TNPO3: variants seen among roughly 807,000 people sequenced by gnomAD.
TNPO3 encodes transportin-3.
TNPO3 carries 65 observed loss-of-function variants against 122.8 expected under a neutral mutation model. The observed-to-expected ratio is 0.53, with a 90% CI of 0.43 to 0.65. The LOEUF (loss-of-function observed/expected upper bound fraction) is 0.65. Ranked by LOEUF, TNPO3 falls within the 30% of genes least tolerant of loss-of-function variation. TNPO3 has a pLI of 0.00. For synonymous variants in TNPO3, 372 were observed against 411.2 expected, an observed-to-expected ratio of 0.90 and a Z score of 1.15; for missense variants, 850 against 1,136.7, an observed-to-expected ratio of 0.75 and a Z score of 3.63.
intron 7 of TNPO3, among the ~76,000 whole-genome samples, chr7:128,998,230 C>T (rs1331646067): frequency 6.6e-6 from 1 of 152,062 alleles, no homozygotes; most frequent in Non-Finnish European, 1.5e-5. Context: ...GTAGGTGGCA[C>T]ATGCCTGTAT....
intron 15 of TNPO3, 82 bp from the exon 16 acceptor site, chr7:128,979,205 T>C (rs1799387787): frequency 1.3e-6 from 2 of 1,536,756 alleles, no homozygotes; most frequent in South Asian, 1.2e-5. Context: ...TAACACCTCA[T>C]TTAGCTTTTA....
intron 13 of TNPO3, among the ~76,000 whole-genome samples, chr7:128,983,676 T>TAA (rs1799865733): frequency 6.6e-6 from 1 of 152,230 alleles, no homozygotes; most frequent in Admixed American, 6.5e-5. Context: ...TTTGTTCCTT[T>TAA]AACCAACTGC....
At chr7:128,965,305 A>G (rs1797830485) in intron 21 of TNPO3, among the ~76,000 whole-genome samples, 1 of 152,252 alleles carries the variant, frequency 6.6e-6, no homozygotes, top group African/African-American at 2.4e-5. Flanking sequence ...AAGACAAAAC[A>G]AATGGCCAAT....
chr7:129,041,796 T>C, intron 1 of TNPO3: 1 of 926,402 alleles, frequency 1.1e-6, no homozygotes, highest in Non-Finnish European at 1.3e-6. Flanking sequence ...AACAGGCCTT[T>C]ATATCAGTCT....
chr7:128,978,036 C>G (rs1356805878), intron 16 of TNPO3, among the ~76,000 whole-genome samples: 1 of 151,672 alleles, frequency 6.6e-6, no homozygotes, highest in African/African-American at 2.4e-5. Context: ...TTCCTCACAG[C>G]ATGGGTACAA....
chr7:129,018,903 G>A (rs74983746), intron 1 of TNPO3, among the ~76,000 whole-genome samples: 1 of 151,992 alleles, frequency 6.6e-6, no homozygotes, highest in African/African-American at 2.4e-5. Context: ...ATTTTTAGTA[G>A]AGGCGAGGTT....
intron 1 of TNPO3, among the ~76,000 whole-genome samples, chr7:129,051,896 A>G (rs560267854): frequency 6.6e-6 from 1 of 152,204 alleles, no homozygotes; most frequent in South Asian, 2.1e-4. Context: ...CGCCCGCCTC[A>G]GCCTCCCAAA....
chr7:129,007,218 C>T (rs1802675362), intron 4 of TNPO3, among the ~76,000 whole-genome samples: 1 of 152,164 alleles, frequency 6.6e-6, no homozygotes, highest in African/African-American at 2.4e-5. Context: ...AGTCAAGTAA[C>T]TCGCCCAATA....
At chr7:128,962,719 G>C (rs1047984268) in intron 21 of TNPO3, among the ~76,000 whole-genome samples, 3 of 152,184 alleles carry the variant, frequency 2.0e-5, no homozygotes, top group Admixed American at 1.3e-4. Context: ...GCCTGCTATA[G>C]GAAGAGCTGC....
At chr7:129,055,413 T>A (rs1809374628), upstream of TNPO3, 1 of 155,644 alleles carries the variant, frequency 6.4e-6, no homozygotes, top group Admixed American at 6.3e-5. Flanking sequence ...TCTGCCCTGG[T>A]GATCAAGGCG....
chr7:129,024,757 CT>C (rs1161432992), intron 1 of TNPO3, among the ~76,000 whole-genome samples: 1 of 152,192 alleles, frequency 6.6e-6, no homozygotes, highest in African/African-American at 2.4e-5. Flanking sequence ...GGTGTGGTGG[CT>C]CACACCTGTA....
chr7:128,969,687 A>G (rs1306402942), intron 20 of TNPO3, among the ~76,000 whole-genome samples: 4 of 152,240 alleles, frequency 2.6e-5, no homozygotes, highest in South Asian at 2.1e-4. Flanking sequence ...CCAAAGGGGA[A>G]ATATATCCAA....
chr7:128,984,325 A>T, intron 12 of TNPO3, 66 bp from the exon 13 acceptor site: 1 of 1,095,240 alleles, frequency 9.1e-7, no homozygotes, highest in South Asian at 1.4e-5. Flanking sequence ...ACTGGACTAC[A>T]TCATGTGAGT....
chr7:128,984,897 C>T (rs1192761922), intron 12 of TNPO3, among the ~76,000 whole-genome samples: 1 of 152,084 alleles, frequency 6.6e-6, no homozygotes, highest in Non-Finnish European at 1.5e-5. Context: ...CTTAGAACTC[C>T]AATAAAATAG....
chr7:129,039,330 G>A (rs1807080934), intron 1 of TNPO3, among the ~76,000 whole-genome samples: 1 of 152,188 alleles, frequency 6.6e-6, no homozygotes, highest in Admixed American at 6.5e-5. Context: ...GGGAGGCCAA[G>A]GCAGGAGGAT....
intron 20 of TNPO3, 77 bp from the exon 21 acceptor site, chr7:128,967,469 AC>A (rs1798034902): frequency 2.1e-6 from 2 of 938,362 alleles, no homozygotes; most frequent in African/African-American, 3.3e-5. Flanking sequence ...TACTAACAAA[AC>A]CCCACAAATT....
rs1245186895 is a variant in TNPO3, at chr7:128,984,190, A to G, written c.1760T>C (p.Val587Ala). Residue 587 changes from valine to alanine, a missense_variant, in exon 13 of 23, where the codon GTT (valine) becomes GCT (alanine). Val to Ala is a moderately conservative substitution (Grantham distance 64). Transcript: ENST00000265388. ...ITECLSELCS[V>A]QVMALKKLLS... ...TACCTTTTTCAATGCCATAACCTGA[A>G]CAGAACATAGTTCACTAAGACATTC... 4 of 1,611,732 alleles carry G rather than the reference A, an allele frequency of 2.5e-6. No individual in the cohort carries two copies. Among genetic ancestry groups the G allele is most frequent in the South Asian group, 1.1e-5 (1 of 90,580 alleles).
chr7:129,054,453 G>A (rs889234845), intron 1 of TNPO3, among the ~76,000 whole-genome samples, 198 bp downstream of exon 1: 2 of 152,148 alleles, frequency 1.3e-5, no homozygotes, highest in Non-Finnish European at 2.9e-5. Context: ...TGGGGAAAGG[G>A]CCAGTTCGCG....
chr7:129,054,555 C>CA, intron 1 of TNPO3, 96 bp downstream of exon 1: 2 of 1,558,834 alleles, frequency 1.3e-6, no homozygotes, highest in Non-Finnish European at 1.7e-6. Flanking sequence ...AGGAGGACCT[C>CA]ACGAGGTCAA....
Sources: allele counts gnomAD v4.1 joint callset (sites outside exome capture counted in the v4.1 genomes callset), GRCh38; gene constraint gnomAD v4.1.1; transcripts MANE v1.5; gene names NCBI Gene and HGNC (gene_info 2026-07-23, HGNC 2026-07-21).